Variants in KIF1B observed in about 807,000 individuals in gnomAD.
The protein encoded by KIF1B is kinesin family member 1B, also known as kinesin-like protein KIF1B.
In KIF1B, 76 loss-of-function variants were observed where a neutral mutation model predicts 241.9. The ratio of observed to expected loss-of-function variants is 0.31; its 90% CI spans 0.26 to 0.38. The LOEUF (loss-of-function observed/expected upper bound fraction) is 0.38, where lower values mean the gene tolerates loss of function less well. Among genes scored for constraint, KIF1B ranks in the 10% least tolerant of loss-of-function variants. The pLI is 1.00. For synonymous variants in KIF1B, 750 were observed against 796.7 expected, an observed-to-expected ratio of 0.94 and a Z score of 0.99; for missense variants, 1,622 against 2,271.4, an observed-to-expected ratio of 0.71 and a Z score of 5.81.
chr1:10,299,512 G>T (rs1403136942), intron 22 of KIF1B, among the ~76,000 whole-genome samples: 3 of 152,130 alleles, frequency 2.0e-5, no homozygotes, highest in African/African-American at 7.2e-5. Context: ...CCCTGTATTG[G>T]TCAATTAACA....
intron 1 of KIF1B, among the ~76,000 whole-genome samples, chr1:10,217,425 C>T (rs1214100610): frequency 1.3e-5 from 2 of 148,476 alleles, no homozygotes; most frequent in African/African-American, 5.0e-5. Context: ...TCAAGCAATT[C>T]TCCTGCCTCG....
chr1:10,347,357 TATG>T (rs1029241901), intron 35 of KIF1B, among the ~76,000 whole-genome samples: 3 of 152,326 alleles, frequency 2.0e-5, no homozygotes, highest in Admixed American at 2.0e-4. Flanking sequence ...TAGACAGACT[TATG>T]ATGTGATTAC....
At position 10,278,071 on chromosome 1, in the gene KIF1B, G is replaced by A. The variant is rs1649210167; in HGVS notation, c.1123G>A (p.Glu375Lys). Residue 375 changes from glutamate (E) to lysine (K), a missense_variant, in exon 13 of 49, where the codon GAG becomes AAG. Around this residue, in one of 7 missense-constraint regions of KIF1B, gnomAD observed 201 missense variants for 301.2 expected, o/e 0.67. Transcript: ENST00000676179. Reference protein sequence around the residue: ...NAKLVRELKEEVTRLKDLLRA... With the variant: ...NAKLVRELKEKVTRLKDLLRA... ...CAAACTGGTTCGTGAATTAAAGGAG[G>A]AGGTGACACGGCTGAAGGACCTTCT... is the stretch of plus-strand genomic sequence containing the variant. 6.2e-7 allele frequency: 1 copy of A among 1,613,990 alleles called. No homozygotes were observed. Among genetic ancestry groups the A allele is most frequent in the Admixed American group, 1.7e-5 (1 of 59,994 alleles).
At chr1:10,243,867 CTT>C (rs1373911899) in intron 2 of KIF1B, among the ~76,000 whole-genome samples, 2 of 152,136 alleles carry the variant, frequency 1.3e-5, no homozygotes, top group Non-Finnish European at 2.9e-5. Context: ...GTTTACATGT[CTT>C]TGGGCATTTT....
At chr1:10,261,027 C>T (rs945489137) in intron 4 of KIF1B, among the ~76,000 whole-genome samples, 11 of 151,606 alleles carry the variant, frequency 7.3e-5, no homozygotes, top group Non-Finnish European at 1.5e-5. Flanking sequence ...AGTACAGTGG[C>T]GCCCTATCAG....
At chr1:10,219,269 T>C (rs923454690) in intron 1 of KIF1B, among the ~76,000 whole-genome samples, 3 of 151,432 alleles carry the variant, frequency 2.0e-5, no homozygotes, top group Non-Finnish European at 2.9e-5. Context: ...GAGACCAGCC[T>C]AACCAACATG....
At chr1:10,343,336 G>A (rs1463328500) in intron 34 of KIF1B, 49 bp downstream of exon 34, 4 of 1,551,822 alleles carry the variant, frequency 2.6e-6, no homozygotes, top group Non-Finnish European at 3.6e-6. Context: ...GTGAATACAT[G>A]TCTTATTCTG....
intron 28 of KIF1B, among the ~76,000 whole-genome samples, chr1:10,335,504 C>T (rs1040656219): frequency 7.9e-5 from 12 of 152,162 alleles, no homozygotes; most frequent in Non-Finnish European, 1.6e-4. Context: ...CTGCCCACCT[C>T]GGCCTCCCAA....
At chr1:10,251,479 A>G (rs138249483) in intron 2 of KIF1B, among the ~76,000 whole-genome samples, 1,784 of 152,088 alleles carry the variant, frequency 0.012, 34 homozygotes, top group African/African-American at 0.041. Context: ...TCACCCCTGT[A>G]ATCCCAGCAC....
chr1:10,342,008 T>C, intron 32 of KIF1B, 42 bp from the exon 33 acceptor site: 1 of 1,293,814 alleles, frequency 7.7e-7, no homozygotes. Context: ...AGCAAAAATG[T>C]GTATTTTCTT....
chr1:10,341,949 C>T lies in KIF1B; in HGVS notation c.3514-101C>T, dbSNP rs1280732776. The T allele has an allele frequency of 5.1e-6, 4 of 782,590 alleles. No individual in the cohort carries two copies. In the East Asian group the frequency reaches 7.6e-5, roughly 15 times the overall value. 48.5% of individuals were successfully genotyped at this position (782,590 alleles called of 1,614,324 possible). A position where few individuals can be genotyped will look rare whatever the true frequency, so the allele number is the denominator to read the frequency against. ...TGCGTGCTACAGAGCAAGACCTTGC[C>T]TCAAAAAAAAAAAAAAAAACCCAAA... On this transcript the variant is annotated intron_variant, in intron 32 of 48. Transcript: ENST00000676179.
chr1:10,314,344 G>C (rs55946030), intron 22 of KIF1B, among the ~76,000 whole-genome samples: 1 of 151,320 alleles, frequency 6.6e-6, no homozygotes, highest in Non-Finnish European at 1.5e-5. Context: ...TTGGGGAGGG[G>C]GCCAATTCAA....
At chr1:10,345,682 A>G in intron 34 of KIF1B, 163 bp from the exon 35 acceptor site, 1 of 643,216 alleles carries the variant, frequency 1.6e-6, no homozygotes, top group South Asian at 1.8e-5. Context: ...AATAACTTAC[A>G]AAGTTTATAT....
At chr1:10,322,404 G>A (rs1394148536) in intron 24 of KIF1B, among the ~76,000 whole-genome samples, 1 of 152,148 alleles carries the variant, frequency 6.6e-6, no homozygotes, top group African/African-American at 2.4e-5. Context: ...CTGGCACCAA[G>A]GGATTTTGTG....
intron 27 of KIF1B, among the ~76,000 whole-genome samples, chr1:10,333,634 G>A (rs990805649): frequency 8.5e-5 from 13 of 152,086 alleles, no homozygotes; most frequent in Admixed American, 8.5e-4. Context: ...AGAGCTTGCA[G>A]TGAGCCGAGA....
chr1:10,374,537 T>C lies in KIF1B; in HGVS notation c.5096+72T>C. ...ACAGGAAGAAGTGACTGGCCAGCTC[T>C]TCCCTGTGAGGTCTGTACTGTAGTC... On this transcript the variant is annotated intron_variant, in intron 46 of 48. Transcript: ENST00000676179. The surrounding 1 kb of genome is among the most constrained non-coding windows in gnomAD (Gnocchi z 4.3). 6.6e-7 allele frequency: 1 copy of C among 1,522,352 alleles called. No homozygotes were observed. The highest frequency in any genetic ancestry group is 9.1e-7 in the Non-Finnish European group (1 of 1,098,950). 94.3% of individuals were successfully genotyped at this position (1,522,352 alleles called of 1,614,324 possible). A position where few individuals can be genotyped will look rare whatever the true frequency, so the allele number is the denominator to read the frequency against.
At chr1:10,352,845 T>A in intron 38 of KIF1B, 109 bp downstream of exon 38, 2 of 743,530 alleles carry the variant, frequency 2.7e-6, no homozygotes, top group Non-Finnish European at 4.8e-6. Flanking sequence ...AGAAATTAAC[T>A]CCCTTCTCCC....
chr1:10,300,126 G>A (rs1033103021), intron 22 of KIF1B, among the ~76,000 whole-genome samples: 7 of 151,392 alleles, frequency 4.6e-5, no homozygotes, highest in African/African-American at 1.7e-4. Flanking sequence ...AATCCCAGCT[G>A]CTTGGGAGGC....
At chr1:10,276,459 G>A (rs1353889019) in intron 12 of KIF1B, 60 bp downstream of exon 12, 3 of 1,120,864 alleles carry the variant, frequency 2.7e-6, no homozygotes, top group African/African-American at 1.5e-5. Flanking sequence ...GCCATTTTGT[G>A]ATACCATGGA....
Sources: allele counts gnomAD v4.1 joint callset (sites outside exome capture counted in the v4.1 genomes callset), GRCh38; gene constraint gnomAD v4.1.1; regional missense constraint gnomAD v4.1.1; non-coding constraint Gnocchi (gnomAD v3.1); transcripts MANE v1.5; gene names NCBI Gene and HGNC (gene_info 2026-07-23, HGNC 2026-07-21).